C12orf42: variants seen among roughly 807,000 people sequenced by gnomAD.
C12orf42 encodes the protein uncharacterized protein C12orf42.
Under a neutral mutation model 21.6 loss-of-function variants are expected in C12orf42, and 25 were observed. The observed-to-expected ratio is 1.16, with a 90% CI of 0.84 to 1.62. C12orf42 has a LOEUF of 1.62. C12orf42 is among the 40% of genes most tolerant of loss of function. The pLI is 0.00. For synonymous variants in C12orf42, 174 were observed against 175.0 expected (o/e 0.99, Z 0.05); for missense variants, 483 against 459.3 (o/e 1.05, Z -0.47).
chr12:103,076,990 C>T, the C12orf42 span, among the ~76,000 whole-genome samples: 1 of 152,110 alleles, frequency 6.6e-6, no homozygotes, highest in Non-Finnish European at 1.5e-5. Context: ...ATCAGCCAGT[C>T]AATTAATTAA....
Position 103,306,019 on chromosome 12 carries a change from T to C in C12orf42, c.586A>G (p.Thr196Ala). The change falls in exon 5 of 6, where the codon ACA becomes GCA. Residue 196 changes from threonine to alanine, a missense_variant. Coordinates refer to ENST00000548883, the MANE Select transcript of C12orf42 (RefSeq NM_198521.5). ...EAQGIHISRH[T>A]RPKGQPLSSP... ...CTCAAGGGCTGGCCCTTAGGTCTTG[T>C]GTGTCTACTGATGTGTATGCCCTGA... The C allele has an allele frequency of 2.5e-6, 4 of 1,613,586 alleles. No homozygotes were observed. Among genetic ancestry groups the C allele is most frequent in the Non-Finnish European group, 3.4e-6 (4 of 1,179,500 alleles).
the C12orf42 span, among the ~76,000 whole-genome samples, chr12:103,561,477 C>T: frequency 6.6e-6 from 1 of 152,156 alleles, no homozygotes; most frequent in Admixed American, 6.5e-5. Flanking sequence ...TAAACTCACA[C>T]AGCAGAAGGA....
At chr12:103,426,643 C>A (rs1949833631) in intron 2 of C12orf42, among the ~76,000 whole-genome samples, 1 of 152,004 alleles carries the variant, frequency 6.6e-6, no homozygotes, top group African/African-American at 2.4e-5. Flanking sequence ...GAAGAGCAAC[C>A]CCAAGACACA....
At chr12:103,451,585 GT>G (rs531310289) in intron 2 of C12orf42, among the ~76,000 whole-genome samples, 1 of 152,014 alleles carries the variant, frequency 6.6e-6, no homozygotes, top group Non-Finnish European at 1.5e-5. Flanking sequence ...AAACTGGCCA[GT>G]TCTTTCTTAA....
At chr12:103,054,231 T>C in the C12orf42 span, among the ~76,000 whole-genome samples, 1 of 151,860 alleles carries the variant, frequency 6.6e-6, no homozygotes. Context: ...TGGTATATAG[T>C]TTATTTAGAT....
At chr12:103,318,293 CAAAA>C (rs1004482822) in intron 4 of C12orf42, among the ~76,000 whole-genome samples, 1 of 151,878 alleles carries the variant, frequency 6.6e-6, no homozygotes, top group Non-Finnish European at 1.5e-5. Flanking sequence ...CAAAAAAAAA[CAAAA>C]AAGTATTACA....
chr12:103,466,526 T>C (rs1040872450), intron 2 of C12orf42, among the ~76,000 whole-genome samples: 13 of 152,142 alleles, frequency 8.5e-5, no homozygotes, highest in Non-Finnish European at 1.6e-4. Context: ...TTTATCACTT[T>C]TAATAATAGG....
At chr12:103,414,802 G>T (rs1476678037) in intron 2 of C12orf42, among the ~76,000 whole-genome samples, 2 of 152,200 alleles carry the variant, frequency 1.3e-5, no homozygotes, top group African/African-American at 4.8e-5. Flanking sequence ...TGGCAGAGTC[G>T]TTCTAGACTC....
chr12:103,077,154 C>T, the C12orf42 span, among the ~76,000 whole-genome samples: 2 of 152,088 alleles, frequency 1.3e-5, no homozygotes, highest in Admixed American at 1.3e-4. Context: ...GTCTGTTTGC[C>T]CATGTCCTCT....
At chr12:103,103,355 T>C in the C12orf42 span, among the ~76,000 whole-genome samples, 1 of 152,218 alleles carries the variant, frequency 6.6e-6, no homozygotes, top group East Asian at 1.9e-4. Context: ...CCTAGATCCC[T>C]ACTGCCTATA....
chr12:103,345,181 G>A (rs796183925), intron 4 of C12orf42, among the ~76,000 whole-genome samples: 2 of 152,284 alleles, frequency 1.3e-5, no homozygotes, highest in African/African-American at 4.8e-5. Flanking sequence ...AGGGATACAT[G>A]TAAATCAGTT....
At chr12:103,506,862 A>C in the C12orf42 span, among the ~76,000 whole-genome samples, 1 of 86,414 alleles carries the variant, frequency 1.2e-5, no homozygotes, top group Non-Finnish European at 2.0e-5. Context: ...TATATATTAT[A>C]TATATATATT....
At chr12:103,554,343 G>A in the C12orf42 span, among the ~76,000 whole-genome samples, 1 of 152,198 alleles carries the variant, frequency 6.6e-6, no homozygotes, top group African/African-American at 2.4e-5. Flanking sequence ...TATCCAGCTT[G>A]TAGCCCAAGA....
chr12:103,421,000 CTTTTA>C (rs2049847157), intron 2 of C12orf42, among the ~76,000 whole-genome samples: 1 of 152,174 alleles, frequency 6.6e-6, no homozygotes, highest in Admixed American at 6.5e-5. Context: ...TTTTCAAAAT[CTTTTA>C]TTTTATTGTA....
chr12:103,272,052 C>T (rs563584888), intron 5 of C12orf42, among the ~76,000 whole-genome samples: 1 of 152,128 alleles, frequency 6.6e-6, no homozygotes, highest in African/African-American at 2.4e-5. Flanking sequence ...GATTGGCCAA[C>T]TCTCAAGTTT....
chr12:103,193,736 G>A, the C12orf42 span, among the ~76,000 whole-genome samples: 1 of 152,048 alleles, frequency 6.6e-6, no homozygotes, highest in Admixed American at 6.5e-5. Flanking sequence ...GGACCAGAAG[G>A]CTTTACAGGT....
At chr12:103,412,348 G>A (rs1271103870) in intron 2 of C12orf42, among the ~76,000 whole-genome samples, 3 of 152,188 alleles carry the variant, frequency 2.0e-5, no homozygotes, top group Non-Finnish European at 2.9e-5. Context: ...ACATGTGACG[G>A]TGTTCATCAG....
chr12:103,189,132 AC>A, the C12orf42 span, among the ~76,000 whole-genome samples: 12 of 152,356 alleles, frequency 7.9e-5, no homozygotes, highest in East Asian at 1.7e-3. Context: ...AAAACATGAG[AC>A]AAAAACAAGG....
the C12orf42 span, among the ~76,000 whole-genome samples, chr12:103,090,707 C>T: frequency 6.6e-6 from 1 of 151,220 alleles, no homozygotes; most frequent in Non-Finnish European, 1.5e-5. Context: ...TTTTTTTCCC[C>T]AGGAAGATAC....
Sources: allele counts gnomAD v4.1 joint callset (sites outside exome capture counted in the v4.1 genomes callset), GRCh38; gene constraint gnomAD v4.1.1; transcripts MANE v1.5; gene names NCBI Gene and HGNC (gene_info 2026-07-23, HGNC 2026-07-21).